Variants in CDH11 observed in about 807,000 individuals in gnomAD.
The protein encoded by CDH11 is cadherin 11.
Under a neutral mutation model 67.8 loss-of-function variants are expected in CDH11, and 11 were observed. That is an observed-to-expected ratio of 0.16 (90% CI 0.10 to 0.27). The LOEUF is 0.27. Among genes scored for constraint, CDH11 ranks in the 10% least tolerant of loss-of-function variants. The pLI, the probability that CDH11 is intolerant of heterozygous loss-of-function variation, is 1.00. For missense variants in CDH11, 847 were observed against 1,031.2 expected, an observed-to-expected ratio of 0.82 and a Z score of 2.45; for synonymous variants, 419 against 400.0, an observed-to-expected ratio of 1.05 and a Z score of -0.57.
At chr16:65,076,189 T>C (rs915661302) in intron 1 of CDH11, among the ~76,000 whole-genome samples, 12 of 152,192 alleles carry the variant, frequency 7.9e-5, no homozygotes, top group Non-Finnish European at 1.3e-4. Flanking sequence ...CCGGCACTTG[T>C]TAAACTCAAA....
At chr16:65,017,242 C>A (rs1339290626) in intron 2 of CDH11, among the ~76,000 whole-genome samples, 1 of 152,122 alleles carries the variant, frequency 6.6e-6, no homozygotes, top group Admixed American at 6.6e-5. Context: ...TCTCATTTTA[C>A]CTAGCCCCTA....
intron 1 of CDH11, among the ~76,000 whole-genome samples, chr16:65,108,677 C>G (rs1023234852): frequency 1.2e-5 from 1 of 82,870 alleles, no homozygotes; most frequent in African/African-American, 4.6e-5. Flanking sequence ...GCTATCAAAT[C>G]AATATTTAAA....
rs2071204011 is a variant in CDH11 at position 64,946,688 on chromosome 16, G to C, written c.*915C>G. ...GACAGACAACAACAGATCATAAATA[G>C]GGTTATTAAAAGATCACAATTAAAT... On this transcript the variant is annotated 3_prime_UTR_variant, in exon 13 of 13. Transcript: ENST00000268603. The C allele has an allele frequency of 1.1e-6, 1 of 945,994 alleles. No homozygotes were observed. The highest frequency in any genetic ancestry group is 5.8e-5 in the Admixed American group (1 of 17,200). 58.6% of individuals were successfully genotyped at this position (945,994 alleles called of 1,614,324 possible). A position where few individuals can be genotyped will look rare whatever the true frequency, so the allele number is the denominator to read the frequency against.
At chr16:65,011,204 C>T (rs1480871339) in intron 2 of CDH11, among the ~76,000 whole-genome samples, 6 of 151,522 alleles carry the variant, frequency 4.0e-5, no homozygotes, top group Non-Finnish European at 7.4e-5. Flanking sequence ...CAAGTACACC[C>T]TGAATCATTG....
At position 64,948,047 on chromosome 16, in the gene CDH11, A is replaced by G. The variant is rs750843398; in HGVS notation, c.1947T>C (p.Ile649=). 6.2e-7 allele frequency: 1 copy of G among 1,614,150 alleles called. No individual in the cohort carries two copies. Among genetic ancestry groups the G allele is most frequent in the Admixed American group, 1.7e-5 (1 of 60,024 alleles). ...TLRRQKKEPL[I]VFEEEDVREN... is the part of the protein sequence containing the mutation. ...CACGGACATCTTCTTCCTCAAAGACAATGAGTGGTTCTTTCTTTTGCCTTC... is the reference window on the plus strand; with the variant it reads ...CACGGACATCTTCTTCCTCAAAGACGATGAGTGGTTCTTTCTTTTGCCTTC... Residue 649 remains isoleucine (I), a synonymous_variant, in exon 13 of 13, where the codon ATT becomes ATC. Coordinates refer to ENST00000268603, the MANE Select transcript of CDH11 (RefSeq NM_001797.4).
intron 1 of CDH11, among the ~76,000 whole-genome samples, chr16:65,113,912 T>C (rs951639368): frequency 2.0e-5 from 3 of 152,144 alleles, no homozygotes; most frequent in African/African-American, 7.2e-5. Context: ...AGAATGTTCT[T>C]AGTACAGTGT....
chr16:65,041,531 C>T (rs1427112073), intron 2 of CDH11, among the ~76,000 whole-genome samples: 1 of 152,198 alleles, frequency 6.6e-6, no homozygotes, highest in Non-Finnish European at 1.5e-5. Context: ...TTCCCTACAA[C>T]ATCCGCACAT....
At chr16:65,016,180 G>A (rs1332897969) in intron 2 of CDH11, among the ~76,000 whole-genome samples, 1 of 152,152 alleles carries the variant, frequency 6.6e-6, no homozygotes, top group Non-Finnish European at 1.5e-5. Flanking sequence ...ATACCACAGA[G>A]TGTTCCCACC....
chr16:64,948,620 T>C, intron 12 of CDH11: 1 of 1,611,470 alleles, frequency 6.2e-7, no homozygotes, highest in East Asian at 2.2e-5. Flanking sequence ...GTAAGTGTGG[T>C]TGGACTCTCT....
intron 12 of CDH11, chr16:64,948,937 T>A (rs2071273493): frequency 1.6e-6 from 1 of 619,178 alleles, no homozygotes; most frequent in African/African-American, 1.8e-5. Flanking sequence ...TGTTTGTGGC[T>A]GAATCTTGCA....
At chr16:65,103,846 C>A (rs546774339) in intron 1 of CDH11, among the ~76,000 whole-genome samples, 1 of 151,994 alleles carries the variant, frequency 6.6e-6, no homozygotes, top group Admixed American at 6.5e-5. Flanking sequence ...TGATTATAAA[C>A]CAATAATTTA....
chr16:65,122,690 T>C (rs140216892), upstream of CDH11, among the ~76,000 whole-genome samples: 2,785 of 151,792 alleles, frequency 0.018, 65 homozygotes, highest in African/African-American at 0.063. Flanking sequence ...CTGGTGGCTC[T>C]GGTGGTGAAG....
rs948098692 is a variant in CDH11, at chr16:65,077,277, A to T, written c.-297-23349T>A. On this transcript the variant is annotated intron_variant, in intron 1 of 12. Transcript: ENST00000268603. ...TTCCTTATTGGAGGAAAAAAAAGTG[A>T]GTATAAGCATCTTTACTGATGATTA... 2.6e-5 allele frequency among the ~76,000 whole-genome samples: 4 copies of T among 152,214 alleles called. No individual in the cohort carries two copies. In the East Asian group the frequency reaches 7.7e-4, roughly 29 times the overall value.
intron 1 of CDH11, among the ~76,000 whole-genome samples, chr16:65,090,298 A>G (rs1045045850): frequency 1.3e-5 from 2 of 152,212 alleles, no homozygotes; most frequent in African/African-American, 4.8e-5. Context: ...AAGAATGTAT[A>G]CAGAAGAATG....
chr16:65,038,444 G>T (rs565946419), intron 2 of CDH11, among the ~76,000 whole-genome samples: 3 of 152,076 alleles, frequency 2.0e-5, no homozygotes, highest in Non-Finnish European at 2.9e-5. Context: ...GACATCAAAA[G>T]CTCTCTCATT....
At chr16:65,079,493 G>T (rs1387624576) in intron 1 of CDH11, among the ~76,000 whole-genome samples, 4 of 152,154 alleles carry the variant, frequency 2.6e-5, no homozygotes, top group African/African-American at 9.6e-5. Flanking sequence ...ATGTGCGTGT[G>T]TATGTGTGTG....
intron 1 of CDH11, among the ~76,000 whole-genome samples, chr16:65,107,464 G>A (rs187509158): frequency 3.2e-4 from 49 of 152,146 alleles, no homozygotes; most frequent in Non-Finnish European, 5.6e-4. Flanking sequence ...ACTGCCAGAG[G>A]GTACTCACAG....
chr16:64,946,299 C>A lies in CDH11; in HGVS notation c.*1304G>T. 9.6e-7 allele frequency: 1 copy of A among 1,045,510 alleles called. No homozygotes were observed. The highest frequency in any genetic ancestry group is 1.2e-6 in the Non-Finnish European group (1 of 866,738). 64.8% of individuals were successfully genotyped at this position (1,045,510 alleles called of 1,614,324 possible). A position where few individuals can be genotyped will look rare whatever the true frequency, so the allele number is the denominator to read the frequency against. ...TTCAACAGAAGAAAAAATAGAATAA[C>A]ATTAGAGTCTGGGCAAATTTATATT... On this transcript the variant is annotated 3_prime_UTR_variant, in exon 13 of 13. Coordinates refer to ENST00000268603, the MANE Select transcript of CDH11 (RefSeq NM_001797.4).
intron 1 of CDH11, among the ~76,000 whole-genome samples, chr16:65,096,406 GGT>G (rs377132363): frequency 0.26 from 34,962 of 133,696 alleles, 4,603 homozygotes; most frequent in Non-Finnish European, 0.33. Flanking sequence ...AATCTTTCGG[GGT>G]GTGTGTGTGT....
Sources: allele counts gnomAD v4.1 joint callset (sites outside exome capture counted in the v4.1 genomes callset), GRCh38; gene constraint gnomAD v4.1.1; transcripts MANE v1.5; gene names NCBI Gene and HGNC (gene_info 2026-07-23, HGNC 2026-07-21).